The following ZMIZ1 variants were observed in gnomAD, a reference collection of about 807,000 sequenced individuals.
The protein encoded by ZMIZ1 is zinc finger MIZ domain-containing protein 1.
Under a neutral mutation model 113.9 loss-of-function variants are expected in ZMIZ1, and 17 were observed. That is an observed-to-expected ratio of 0.15 (90% CI 0.10 to 0.22). ZMIZ1 has a LOEUF of 0.22. Ranked by LOEUF, ZMIZ1 falls within the 10% of genes least tolerant of loss-of-function variation. The pLI, the probability that ZMIZ1 is intolerant of heterozygous loss-of-function variation, is 1.00. For synonymous variants in ZMIZ1, 607 were observed against 603.1 expected, an observed-to-expected ratio of 1.01 and a Z score of -0.09; for missense variants, 1,059 against 1,477.8, an observed-to-expected ratio of 0.72 and a Z score of 4.65.
chr10:79,265,523 A>C (rs1851552094), intron 7 of ZMIZ1, among the ~76,000 whole-genome samples: 1 of 145,366 alleles, frequency 6.9e-6, no homozygotes, highest in African/African-American at 2.6e-5. Flanking sequence ...ATAGAGGTAC[A>C]GGGAGCAGAA....
intron 4 of ZMIZ1, among the ~76,000 whole-genome samples, chr10:79,172,242 C>T (rs997328952): frequency 5.9e-5 from 9 of 152,064 alleles, no homozygotes; most frequent in Admixed American, 5.2e-4. Flanking sequence ...AGGAACATGG[C>T]GGGTGAGGAC....
Position 79,314,192 on chromosome 10 carries a change from G to A in ZMIZ1, c.*1443G>A. 2.2e-6 allele frequency: 1 copy of A among 457,086 alleles called. No homozygotes were observed. The highest frequency in any genetic ancestry group is 1.5e-5 in the South Asian group (1 of 64,574). 28.3% of individuals were successfully genotyped at this position (457,086 alleles called of 1,614,324 possible). On this transcript the variant is annotated 3_prime_UTR_variant, in exon 25 of 25. Coordinates refer to ENST00000334512, the MANE Select transcript of ZMIZ1 (RefSeq NM_020338.4). The stretch of plus-strand genomic sequence containing the variant: ...TTACCACTCTCCAGGGCCTCCTGGG[G>A]AGCCTGTCCTGTGTTCACTTTGTTT...
intron 1 of ZMIZ1, among the ~76,000 whole-genome samples, chr10:79,092,572 G>A (rs1564645424): frequency 1.3e-5 from 2 of 152,252 alleles, no homozygotes; most frequent in African/African-American, 2.4e-5. Flanking sequence ...CAGTAGCATC[G>A]CAACACCTCC....
At chr10:79,193,002 C>T (rs1847671234) in intron 4 of ZMIZ1, among the ~76,000 whole-genome samples, 1 of 152,188 alleles carries the variant, frequency 6.6e-6, no homozygotes, top group African/African-American at 2.4e-5. Flanking sequence ...AGTCACTCTC[C>T]TACTGTCCTT....
At chr10:79,117,864 G>C (rs1328120735) in intron 1 of ZMIZ1, among the ~76,000 whole-genome samples, 1 of 152,238 alleles carries the variant, frequency 6.6e-6, no homozygotes, top group Admixed American at 6.5e-5. Flanking sequence ...AGGGGAAGTA[G>C]AGCCATGAGG....
chr10:79,120,665 C>T (rs929444751), intron 2 of ZMIZ1, among the ~76,000 whole-genome samples: 13 of 152,204 alleles, frequency 8.5e-5, no homozygotes, highest in Non-Finnish European at 1.5e-4. Flanking sequence ...TGAGAGGCTG[C>T]TGTGTAGATT....
chr10:79,287,303 C>T (rs532864202), intron 8 of ZMIZ1, among the ~76,000 whole-genome samples: 7 of 152,222 alleles, frequency 4.6e-5, no homozygotes, highest in Non-Finnish European at 8.8e-5. Flanking sequence ...GTCTCCAATC[C>T]GCCACCTGGA....
chr10:79,172,404 A>T (rs1344693101), intron 4 of ZMIZ1, among the ~76,000 whole-genome samples: 1 of 152,178 alleles, frequency 6.6e-6, no homozygotes, highest in South Asian at 2.1e-4. Context: ...AGGACAGGCC[A>T]GCTACAAAGC....
chr10:79,233,279 C>A (rs906332553), intron 7 of ZMIZ1, among the ~76,000 whole-genome samples: 2 of 152,232 alleles, frequency 1.3e-5, no homozygotes, highest in African/African-American at 4.8e-5. Context: ...TTGGCCCCTG[C>A]CTTAGTCTGT....
chr10:79,115,785 C>T (rs1843994032), intron 1 of ZMIZ1, among the ~76,000 whole-genome samples: 1 of 152,224 alleles, frequency 6.6e-6, no homozygotes, highest in Admixed American at 6.5e-5. Flanking sequence ...TCAGCTGAGG[C>T]CCCAGCCAGT....
intron 7 of ZMIZ1, among the ~76,000 whole-genome samples, chr10:79,239,620 C>T (rs754721240): frequency 5.9e-5 from 9 of 152,208 alleles, no homozygotes; most frequent in African/African-American, 1.7e-4. Context: ...TCCCTCTAAG[C>T]GGTCAGAGGG....
intron 7 of ZMIZ1, among the ~76,000 whole-genome samples, chr10:79,255,013 C>A (rs538510333): frequency 6.6e-6 from 1 of 152,210 alleles, no homozygotes; most frequent in East Asian, 1.9e-4. Context: ...CTGTGGGCCT[C>A]CAGCCCGGGC....
chr10:79,078,956 C>A (rs1291256022), intron 1 of ZMIZ1, among the ~76,000 whole-genome samples: 2 of 152,168 alleles, frequency 1.3e-5, no homozygotes, highest in Admixed American at 6.5e-5. Flanking sequence ...CTCCATCCAG[C>A]GGATGGTTTA....
intron 1 of ZMIZ1, among the ~76,000 whole-genome samples, chr10:79,095,666 G>A (rs10762844): frequency 0.38 from 57,311 of 152,108 alleles, 10,825 homozygotes; most frequent in Middle Eastern, 0.42. Flanking sequence ...AAAGGCTACC[G>A]TGAGGAGGCC....
chr10:79,179,312 G>T (rs781461500), intron 4 of ZMIZ1, among the ~76,000 whole-genome samples: 1 of 152,198 alleles, frequency 6.6e-6, no homozygotes, highest in Non-Finnish European at 1.5e-5. Context: ...GGTTCTGTCT[G>T]GATCCCTAGG....
intron 4 of ZMIZ1, among the ~76,000 whole-genome samples, chr10:79,168,320 G>A (rs1417174315): frequency 1.3e-5 from 2 of 152,198 alleles, no homozygotes; most frequent in African/African-American, 4.8e-5. Context: ...GAGTTTGAGT[G>A]TACTGAGCCA....
At chr10:79,097,484 C>T (rs1843209728) in intron 1 of ZMIZ1, among the ~76,000 whole-genome samples, 1 of 152,208 alleles carries the variant, frequency 6.6e-6, no homozygotes. Flanking sequence ...TGTTTATTTA[C>T]TTTGGGCCTT....
chr10:79,255,900 G>A (rs1401653088), intron 7 of ZMIZ1, among the ~76,000 whole-genome samples: 4 of 152,198 alleles, frequency 2.6e-5, no homozygotes, highest in East Asian at 3.8e-4. Flanking sequence ...TCACAGAGCC[G>A]CATTGTAAAT....
At chr10:79,250,957 C>G (rs940139671) in intron 7 of ZMIZ1, among the ~76,000 whole-genome samples, 3 of 152,122 alleles carry the variant, frequency 2.0e-5, no homozygotes, top group African/African-American at 7.2e-5. Flanking sequence ...GGCGCAAGGC[C>G]GGAAGACCAT....
Sources: allele counts gnomAD v4.1 joint callset (sites outside exome capture counted in the v4.1 genomes callset), GRCh38; gene constraint gnomAD v4.1.1; transcripts MANE v1.5; gene names NCBI Gene and HGNC (gene_info 2026-07-23, HGNC 2026-07-21).